The following GRHL2 variants were observed in gnomAD, a reference collection of about 807,000 sequenced individuals.
GRHL2 encodes the protein grainyhead like transcription factor 2, also known as grainyhead-like protein 2 homolog.
In GRHL2, 21 loss-of-function variants were observed where a neutral mutation model predicts 83.8. The ratio of observed to expected loss-of-function variants is 0.25; its 90% CI spans 0.18 to 0.36. GRHL2 has a LOEUF of 0.36. Among genes scored for constraint, GRHL2 ranks in the 10% least tolerant of loss-of-function variants. The pLI, the probability that GRHL2 is intolerant of heterozygous loss-of-function variation, is 1.00. For synonymous variants in GRHL2, 280 were observed against 278.9 expected, an observed-to-expected ratio of 1.00 and a Z score of -0.04; for missense variants, 623 against 781.8, an observed-to-expected ratio of 0.80 and a Z score of 2.42.
intron 1 of GRHL2, among the ~76,000 whole-genome samples, chr8:101,529,983 T>C (rs1477418261): frequency 6.6e-6 from 1 of 152,192 alleles, no homozygotes; most frequent in Non-Finnish European, 1.5e-5. Flanking sequence ...CTAGGTGTTT[T>C]ACCATGTTAT....
At position 101,645,390 on chromosome 8, in the gene GRHL2, C is replaced by T. The variant is rs140543921; in HGVS notation, c.1612+1165C>T. ...TTGTGATCCGGCCGCCTTGGCCTCC[C>T]GAAGTGCTGCATGGACTTTTAATGA... On this transcript the variant is annotated intron_variant, in intron 13 of 15. Transcript: ENST00000646743. 9.6e-3 allele frequency among the ~76,000 whole-genome samples: 1,456 copies of T among 152,226 alleles called. 20 individuals are homozygous for T. Among genetic ancestry groups the T allele is most frequent in the East Asian group, 0.05 (260 of 5,180 alleles).
intron 14 of GRHL2, among the ~76,000 whole-genome samples, chr8:101,654,331 T>A (rs559953300): frequency 2.0e-5 from 3 of 152,344 alleles, no homozygotes; most frequent in African/African-American, 4.8e-5. Flanking sequence ...TCCTTATCTA[T>A]AAAATGAAGT....
chr8:101,598,978 A>T, intron 7 of GRHL2, 79 bp from the exon 8 acceptor site: 1 of 965,868 alleles, frequency 1.0e-6, no homozygotes. Flanking sequence ...AAATTTACCC[A>T]TTGGAAAATG....
intron 9 of GRHL2, among the ~76,000 whole-genome samples, chr8:101,622,098 T>G (rs1025767877): frequency 2.0e-5 from 3 of 152,160 alleles, no homozygotes; most frequent in African/African-American, 4.8e-5. Flanking sequence ...GCTATTGGAC[T>G]TTTTGAAAAA....
chr8:101,636,857 T>A (rs373387930), intron 11 of GRHL2, 40 bp from the exon 12 acceptor site: 41 of 1,597,200 alleles, frequency 2.6e-5, no homozygotes, highest in Admixed American at 3.3e-5. Context: ...TTCCATTTCT[T>A]GTCTCTGACC....
chr8:101,649,533 C>T (rs756391181), intron 14 of GRHL2, 34 bp downstream of exon 14: 5 of 1,511,024 alleles, frequency 3.3e-6, no homozygotes, highest in Middle Eastern at 1.7e-4. Flanking sequence ...CTCCAGGAAA[C>T]CTGCTGTGTT....
chr8:101,492,935 C>T, intron 1 of GRHL2, 146 bp downstream of exon 1: 2 of 763,976 alleles, frequency 2.6e-6, no homozygotes, highest in South Asian at 1.5e-5. Context: ...CAGACTTTTC[C>T]GCATTATGTT....
chr8:101,577,710 G>C (rs1811962073), intron 7 of GRHL2, among the ~76,000 whole-genome samples, 191 bp downstream of exon 7: 1 of 152,202 alleles, frequency 6.6e-6, no homozygotes, highest in African/African-American at 2.4e-5. Flanking sequence ...CGAGAGCAAA[G>C]CGTTTTCTAT....
chr8:101,673,217 T>C (rs1814237170), downstream of GRHL2, among the ~76,000 whole-genome samples: 1 of 151,850 alleles, frequency 6.6e-6, no homozygotes, highest in Non-Finnish European at 1.5e-5. Flanking sequence ...TAACCTTAAA[T>C]GTAAATGGGC....
Position 101,492,611 on chromosome 8 carries a change from G to A in GRHL2, c.-159G>A, listed in dbSNP as rs991783388. On this transcript the variant is annotated 5_prime_UTR_variant, in exon 1 of 16. Transcript: ENST00000646743. ...GGTGAGGGCGCGAGCGGGCGAGCGA[G>A]CGAGAGTGGTGAGGGGGGACGGAAA... The A allele has an allele frequency of 2.4e-5, 18 of 742,724 alleles. No homozygotes were observed. Among genetic ancestry groups the A allele is most frequent in the Non-Finnish European group, 4.5e-5 (18 of 404,488 alleles). The allele number at this position is 742,724 out of a possible 1,614,324, so 46.0% of individuals were successfully genotyped here. A position where few individuals can be genotyped will look rare whatever the true frequency, so the allele number is the denominator to read the frequency against.
Position 101,625,541 on chromosome 8 carries a change from C to T in GRHL2, c.1257+5844C>T, listed in dbSNP as rs937219685. 5.9e-5 allele frequency among the ~76,000 whole-genome samples: 9 copies of T among 151,624 alleles called. No individual in the cohort carries two copies. The South Asian group carries it at 1.3e-3, about 21-fold the overall frequency. ...ATTTTAAATTATAAAAGGGAGAGGG[C>T]GAAAAAGAGGATTATATGGATTTTT... On this transcript the variant is annotated intron_variant, in intron 9 of 15. Transcript: ENST00000646743.
At chr8:101,544,380 A>G (rs1222815450) in intron 2 of GRHL2, among the ~76,000 whole-genome samples, 1 of 152,208 alleles carries the variant, frequency 6.6e-6, no homozygotes, top group Non-Finnish European at 1.5e-5. Flanking sequence ...AAAAAGTCTT[A>G]AGGCAAAATA....
intron 1 of GRHL2, among the ~76,000 whole-genome samples, chr8:101,514,943 CTTCCT>C (rs1054465765): frequency 6.3e-5 from 9 of 143,338 alleles, no homozygotes; most frequent in Non-Finnish European, 1.1e-4. Context: ...CTTTTTTCTT[CTTCCT>C]TTCCTTTCCT....
At chr8:101,625,459 A>G (rs184671249) in intron 9 of GRHL2, among the ~76,000 whole-genome samples, 144 of 152,252 alleles carry the variant, frequency 9.5e-4, no homozygotes, top group South Asian at 2.7e-3. Context: ...GGCAGAGACA[A>G]TTATTGATTG....
intron 13 of GRHL2, among the ~76,000 whole-genome samples, chr8:101,646,535 TG>T (rs1225190304): frequency 6.6e-6 from 1 of 152,244 alleles, no homozygotes; most frequent in Non-Finnish European, 1.5e-5. Context: ...GTGGGGTTAC[TG>T]GGCCCCTTGC....
chr8:101,562,402 G>C (rs1234342158), intron 4 of GRHL2: 3 of 607,656 alleles, frequency 4.9e-6, no homozygotes, highest in Admixed American at 3.0e-5. Context: ...TGCAAAATCT[G>C]AACACCTTGC....
At chr8:101,639,206 T>A (rs1282074552) in intron 12 of GRHL2, among the ~76,000 whole-genome samples, 1 of 152,218 alleles carries the variant, frequency 6.6e-6, no homozygotes, top group Non-Finnish European at 1.5e-5. Flanking sequence ...TGGCTCACCC[T>A]GTGTTATTGT....
intron 2 of GRHL2, among the ~76,000 whole-genome samples, chr8:101,548,619 G>A (rs1389752053): frequency 6.6e-6 from 1 of 152,198 alleles, no homozygotes; most frequent in Non-Finnish European, 1.5e-5. Flanking sequence ...CAATAATTAA[G>A]AGTTGAGTTT....
At chr8:101,575,489 G>A (rs955380247) in intron 6 of GRHL2, among the ~76,000 whole-genome samples, 2 of 152,106 alleles carry the variant, frequency 1.3e-5, no homozygotes, top group African/African-American at 2.4e-5. Context: ...CTAAGTTGGC[G>A]CCTCTCAGAG....
Sources: gnomAD v4.1 joint callset for allele counts (sites outside exome capture counted in the v4.1 genomes callset) on GRCh38, gnomAD v4.1.1 for gene constraint, MANE v1.5 for transcripts, NCBI Gene and HGNC (gene_info 2026-07-23, HGNC 2026-07-21) for gene names.